The following CNTN4 variants were observed in gnomAD, a reference collection of about 807,000 sequenced individuals.
CNTN4 encodes contactin 4.
Under a neutral mutation model 122.5 loss-of-function variants are expected in CNTN4, and 77 were observed. The observed-to-expected ratio is 0.63, with a 90% CI of 0.52 to 0.76. The LOEUF is 0.76. CNTN4 is among the 30% of genes least tolerant of loss of function. CNTN4 has a pLI of 0.00. For missense variants in CNTN4, 1,256 were observed against 1,259.1 expected (o/e 1.00, Z 0.04); for synonymous variants, 512 against 447.0 (o/e 1.15, Z -1.83).
At chr3:2,177,656 T>TTGTGTGTG (rs60145608) in intron 2 of CNTN4, among the ~76,000 whole-genome samples, 2,867 of 147,524 alleles carry the variant, frequency 0.019, 31 homozygotes, top group African/African-American at 0.026. Context: ...GTGTGTGTGT[T>TTGTGTGTG]TGTGTGTGTG....
chr3:2,770,959 A>C (rs1157828679), intron 6 of CNTN4, among the ~76,000 whole-genome samples: 3 of 152,322 alleles, frequency 2.0e-5, no homozygotes, highest in African/African-American at 7.2e-5. Flanking sequence ...TTAAAAATTC[A>C]GAGAGGGGTG....
chr3:2,786,166 C>G (rs1324374110), intron 6 of CNTN4, among the ~76,000 whole-genome samples: 1 of 152,030 alleles, frequency 6.6e-6, no homozygotes, highest in Non-Finnish European at 1.5e-5. Context: ...GTAAAAGCCT[C>G]CACATTCACC....
chr3:2,136,042 A>G (rs954442688), intron 2 of CNTN4, among the ~76,000 whole-genome samples: 2 of 152,204 alleles, frequency 1.3e-5, no homozygotes, highest in African/African-American at 4.8e-5. Flanking sequence ...GCATTTGGCC[A>G]TAAGTCTTAT....
At position 2,560,751 on chromosome 3, in the gene CNTN4, T is replaced by C. The variant is rs1338719302; in HGVS notation, c.-88-10665T>C. Among the ~76,000 whole-genome samples the C allele has an allele frequency of 2.0e-5, 3 of 152,206 alleles. No homozygotes were observed. The East Asian group carries it at 5.8e-4, about 29-fold the overall frequency. On this transcript the variant is annotated intron_variant, in intron 3 of 24. Coordinates refer to ENST00000418658, the MANE Select transcript of CNTN4 (RefSeq NM_175607.3). The stretch of plus-strand genomic sequence containing the variant: ...AGCCCTCTTAGAGTATTATATTATC[T>C]TCCCCCAGTAGAGTAAAATAATCTC...
chr3:3,013,695 T>G lies in CNTN4; in HGVS notation c.1487-12407T>G, dbSNP rs117441504. Among the ~76,000 whole-genome samples the G allele has an allele frequency of 6.6e-4, 100 of 151,420 alleles. No homozygotes were observed. In the East Asian group the frequency reaches 0.019, roughly 28 times the overall value. ...GCATATGATGGATAAGAAATGATTTTGTAAACTATGGAATGATCTACAAAT... is the reference window on the plus strand; with the variant it reads ...GCATATGATGGATAAGAAATGATTTGGTAAACTATGGAATGATCTACAAAT... On this transcript the variant is annotated intron_variant, in intron 14 of 24. Coordinates refer to ENST00000418658, the MANE Select transcript of CNTN4 (RefSeq NM_175607.3).
chr3:2,480,632 T>G lies in CNTN4; in HGVS notation c.-88-90784T>G, dbSNP rs1322617149. Reference sequence around the variant, plus strand: ...AGAACTAAATAAGTGGAAATATATTTCATGTTTATACATAGGAAGACTCCA... The same window carrying G: ...AGAACTAAATAAGTGGAAATATATTGCATGTTTATACATAGGAAGACTCCA... On this transcript the variant is annotated intron_variant, in intron 3 of 24. Coordinates refer to ENST00000418658, the MANE Select transcript of CNTN4 (RefSeq NM_175607.3). 2.6e-5 allele frequency among the ~76,000 whole-genome samples: 4 copies of G among 152,240 alleles called. No individual in the cohort carries two copies. In the South Asian group the frequency reaches 8.3e-4, roughly 32 times the overall value.
At chr3:2,675,107 A>G (rs1408018130) in intron 4 of CNTN4, among the ~76,000 whole-genome samples, 1 of 151,908 alleles carries the variant, frequency 6.6e-6, no homozygotes, top group Non-Finnish European at 1.5e-5. Flanking sequence ...AGCAGTGGAG[A>G]GACAGTCTTA....
intron 3 of CNTN4, among the ~76,000 whole-genome samples, chr3:2,481,087 C>CTCTT (rs758374873): frequency 4.9e-4 from 34 of 69,740 alleles, no homozygotes; most frequent in South Asian, 3.5e-3. Context: ...CTCTCTTTCT[C>CTCTT]TCTTTCTTTC....
intron 2 of CNTN4, among the ~76,000 whole-genome samples, chr3:2,253,509 T>TA (rs1383056764): frequency 6.6e-6 from 1 of 152,216 alleles, no homozygotes; most frequent in African/African-American, 2.4e-5. Context: ...ATTCAACAGC[T>TA]AAAAAGGTCT....
Position 2,956,110 on chromosome 3 carries a change from A to G in CNTN4, c.1358+30331A>G, listed in dbSNP as rs112440477. On this transcript the variant is annotated intron_variant, in intron 13 of 24. Coordinates refer to ENST00000418658, the MANE Select transcript of CNTN4 (RefSeq NM_175607.3). ...AGTGGAATATTTTCCAGCCTTAACT[A>G]GGAATGAAATTCTAACACATGCTGC... is the stretch of plus-strand genomic sequence containing the variant. Among the ~76,000 whole-genome samples, 1,122 of 152,340 alleles carry G rather than the reference A, an allele frequency of 7.4e-3. 17 individuals carry two copies. Among genetic ancestry groups the G allele is most frequent in the East Asian group, 0.025 (129 of 5,190 alleles).
chr3:2,211,702 A>T (rs531773198), intron 2 of CNTN4, among the ~76,000 whole-genome samples: 2 of 152,210 alleles, frequency 1.3e-5, no homozygotes, highest in South Asian at 2.1e-4. Flanking sequence ...GTTAGTTTAA[A>T]ATTTTGAAAT....
chr3:2,869,482 G>A (rs142400215), intron 8 of CNTN4, among the ~76,000 whole-genome samples: 1 of 152,236 alleles, frequency 6.6e-6, no homozygotes, highest in Non-Finnish European at 1.5e-5. Context: ...TGAGTGTATG[G>A]GAATGCCCTT....
chr3:2,329,626 A>T (rs1010715382), intron 2 of CNTN4, among the ~76,000 whole-genome samples: 3 of 152,232 alleles, frequency 2.0e-5, no homozygotes, highest in Non-Finnish European at 4.4e-5. Context: ...GTGCAGTACA[A>T]AAAACTCAAG....
intron 6 of CNTN4, among the ~76,000 whole-genome samples, chr3:2,778,158 G>A (rs547534608): frequency 7.1e-6 from 1 of 140,664 alleles, no homozygotes; most frequent in East Asian, 2.4e-4. Context: ...AGCTTGTGGT[G>A]AGCCGAGATC....
intron 2 of CNTN4, among the ~76,000 whole-genome samples, chr3:2,314,725 ATACAAT>A (rs972087183): frequency 1.3e-5 from 2 of 152,042 alleles, no homozygotes; most frequent in Non-Finnish European, 2.9e-5. Flanking sequence ...TGTAAAAGAA[ATACAAT>A]TACAATTATT....
chr3:2,758,180 TTTCTAAGCGCAA>T (rs762317131), intron 6 of CNTN4, among the ~76,000 whole-genome samples: 2 of 152,224 alleles, frequency 1.3e-5, no homozygotes, highest in Non-Finnish European at 2.9e-5. Flanking sequence ...GCTTTTCTTA[TTTCTAAGCGCAA>T]TGACTACTTT....
chr3:2,566,215 A>G (rs542082643), intron 3 of CNTN4, among the ~76,000 whole-genome samples: 3 of 152,234 alleles, frequency 2.0e-5, no homozygotes, highest in Non-Finnish European at 2.9e-5. Context: ...ACTTGAAAAG[A>G]CACAATACTT....
At chr3:2,961,547 A>C (rs1407987006) in intron 13 of CNTN4, among the ~76,000 whole-genome samples, 1 of 152,098 alleles carries the variant, frequency 6.6e-6, no homozygotes, top group Admixed American at 6.5e-5. Context: ...CTTACATAAA[A>C]ATAAAGATAT....
At chr3:2,706,312 C>T (rs1371177245) in intron 4 of CNTN4, among the ~76,000 whole-genome samples, 1 of 152,042 alleles carries the variant, frequency 6.6e-6, no homozygotes, top group Non-Finnish European at 1.5e-5. Flanking sequence ...TCCACTCAGA[C>T]TACACTCCAT....
Sources: allele counts gnomAD v4.1 joint callset (sites outside exome capture counted in the v4.1 genomes callset), GRCh38; gene constraint gnomAD v4.1.1; transcripts MANE v1.5; gene names NCBI Gene and HGNC (gene_info 2026-07-23, HGNC 2026-07-21).